DGKH: variants seen among roughly 807,000 people sequenced by gnomAD.
DGKH encodes the protein diacylglycerol kinase eta, also known as DAG kinase eta.
A neutral mutation model predicts 159.3 loss-of-function variants in DGKH; 90 were observed. The observed-to-expected ratio is 0.57, with a 90% confidence interval of 0.48 to 0.67. The LOEUF (loss-of-function observed/expected upper bound fraction) is 0.67. DGKH is among the 30% of genes least tolerant of loss of function. The pLI is 0.00. For missense variants in DGKH, 1,181 were observed against 1,506.1 expected (o/e 0.78, Z 3.57); for synonymous variants, 536 against 553.8 (o/e 0.97, Z 0.45).
intron 23 of DGKH, 47 bp downstream of exon 23, chr13:42,209,512 A>C (rs1278233610): frequency 6.7e-7 from 1 of 1,496,850 alleles, no homozygotes; most frequent in African/African-American, 1.4e-5. Flanking sequence ...GTTTTTAAAG[A>C]ATCTGAAATT....
chr13:42,185,589 G>T (rs1423014163), intron 13 of DGKH, among the ~76,000 whole-genome samples: 2 of 152,096 alleles, frequency 1.3e-5, no homozygotes, highest in South Asian at 4.1e-4. Context: ...TATAATAATG[G>T]CAAGAAAAAC....
intron 3 of DGKH, among the ~76,000 whole-genome samples, chr13:42,142,804 G>T (rs959954254): frequency 6.6e-6 from 1 of 152,240 alleles, no homozygotes; most frequent in Admixed American, 6.5e-5. Context: ...GGGCTGAGAC[G>T]ATGGGGTTTT....
intron 1 of DGKH, among the ~76,000 whole-genome samples, chr13:42,097,567 G>C (rs1170193): frequency 0.38 from 57,794 of 151,950 alleles, 11,536 homozygotes; most frequent in African/African-American, 0.47. Flanking sequence ...CCGGCAACTG[G>C]GAGCCCAATA....
At chr13:42,192,758 GC>G (rs1566177292) in intron 16 of DGKH, among the ~76,000 whole-genome samples, 1 of 151,886 alleles carries the variant, frequency 6.6e-6, no homozygotes, top group Non-Finnish European at 1.5e-5. Flanking sequence ...CAGATGATCT[GC>G]CCTAAGGTTT....
In DGKH at chr13:42,155,289, A is replaced by G; in HGVS notation, c.385-2A>G. The stretch of plus-strand genomic sequence containing the variant: ...ATCATTAGATTGAATTATCCCTTTC[A>G]GATCATCACTCCATTCAGAAGGCTA... On this transcript the variant is annotated splice_acceptor_variant, in intron 3 of 29. Coordinates refer to ENST00000337343, the MANE Select transcript of DGKH (RefSeq NM_178009.5). LOFTEE classifies it high-confidence loss of function. The G allele has an allele frequency of 6.3e-7, 1 of 1,586,788 alleles. No homozygotes were observed. The highest frequency in any genetic ancestry group is 2.2e-5 in the East Asian group (1 of 44,540).
At chr13:42,171,829 T>TTTC (rs1956463835) in intron 11 of DGKH, among the ~76,000 whole-genome samples, 1 of 948 alleles carries the variant, frequency 1.1e-3, no homozygotes, top group Non-Finnish European at 0.083. Context: ...TATAAATTTC[T>TTTC]TTTTTTTTTT....
intron 13 of DGKH, 58 bp downstream of exon 13, chr13:42,178,278 T>C: frequency 7.4e-7 from 1 of 1,354,482 alleles, no homozygotes; most frequent in Non-Finnish European, 1.0e-6. Flanking sequence ...AGCTGGCTCC[T>C]ACCATTTAGG....
chr13:42,212,800 A>G (rs893300399), intron 24 of DGKH, among the ~76,000 whole-genome samples: 2 of 152,208 alleles, frequency 1.3e-5, no homozygotes. Flanking sequence ...TGGCCAAAGG[A>G]TTGACATGAG....
intron 29 of DGKH, among the ~76,000 whole-genome samples, chr13:42,221,726 G>T (rs1957979109): frequency 6.6e-6 from 1 of 152,146 alleles, no homozygotes; most frequent in Non-Finnish European, 1.5e-5. Flanking sequence ...CATGGAAGGT[G>T]ATAATTTGGC....
chr13:42,191,533 C>A (rs9533028), intron 16 of DGKH, among the ~76,000 whole-genome samples: 37,204 of 151,810 alleles, frequency 0.25, 5,187 homozygotes, highest in Non-Finnish European at 0.32. Flanking sequence ...TGTCTTCATA[C>A]AATGAAAAAA....
chr13:42,141,929 G>C (rs1403082769), intron 3 of DGKH, among the ~76,000 whole-genome samples: 3 of 151,418 alleles, frequency 2.0e-5, no homozygotes, highest in Non-Finnish European at 2.9e-5. Flanking sequence ...TTTGGCTTTT[G>C]TTGCCATTGC....
upstream of DGKH, among the ~76,000 whole-genome samples, chr13:42,045,751 G>A (rs1308061393): frequency 6.6e-6 from 1 of 152,182 alleles, no homozygotes; most frequent in Non-Finnish European, 1.5e-5. Flanking sequence ...GAACTCTTCA[G>A]GATATAAAAT....
At chr13:42,090,885 T>C (rs528903461) in intron 1 of DGKH, among the ~76,000 whole-genome samples, 69 of 152,120 alleles carry the variant, frequency 4.5e-4, no homozygotes, top group Non-Finnish European at 8.5e-4. Flanking sequence ...GGAATGGGTG[T>C]GCTTCTCTTC....
At chr13:42,147,150 C>T (rs1209255463) in intron 3 of DGKH, among the ~76,000 whole-genome samples, 1 of 152,016 alleles carries the variant, frequency 6.6e-6, no homozygotes, top group Non-Finnish European at 1.5e-5. Context: ...TGTGGAGTTA[C>T]TGATTTGGGG....
intron 29 of DGKH, among the ~76,000 whole-genome samples, chr13:42,250,275 G>A (rs1421629954): frequency 2.7e-5 from 4 of 150,906 alleles, no homozygotes; most frequent in Admixed American, 2.6e-4. Context: ...GGCCACTCCA[G>A]CTCCTATTTA....
chr13:42,136,591 A>G (rs933433331), intron 3 of DGKH, among the ~76,000 whole-genome samples: 6 of 152,224 alleles, frequency 3.9e-5, no homozygotes, highest in Non-Finnish European at 7.3e-5. Flanking sequence ...TTCTTATGGA[A>G]GTTTGCTAGA....
chr13:42,064,904 A>G (rs1051926238), intron 1 of DGKH, among the ~76,000 whole-genome samples: 1 of 152,150 alleles, frequency 6.6e-6, no homozygotes, highest in Non-Finnish European at 1.5e-5. Context: ...TTACAAATGA[A>G]ACCCTGAAAT....
chr13:42,142,591 C>A (rs946426834), intron 3 of DGKH, among the ~76,000 whole-genome samples: 1 of 151,840 alleles, frequency 6.6e-6, no homozygotes, highest in African/African-American at 2.4e-5. Flanking sequence ...GTTTGTAGTT[C>A]TCCTTGAAGA....
chr13:42,207,122 TCTCCTTCCTTCCTTCC>T (rs1957516990), intron 21 of DGKH, among the ~76,000 whole-genome samples: 5 of 49,602 alleles, frequency 1.0e-4, no homozygotes, highest in Admixed American at 2.4e-4. Context: ...TCTCTTTCTC[TCTCCTTCCTTCCTTCC>T]TTCCTTCCTT....
Sources: allele counts gnomAD v4.1 joint callset (sites outside exome capture counted in the v4.1 genomes callset), GRCh38; gene constraint gnomAD v4.1.1; transcripts MANE v1.5; gene names NCBI Gene and HGNC (gene_info 2026-07-23, HGNC 2026-07-21).